The following UNC13C variants were observed in gnomAD, a reference collection of about 807,000 sequenced individuals.
UNC13C encodes the protein unc-13 homolog C.
A neutral mutation model predicts 245.4 loss-of-function variants in UNC13C; 174 were observed. The observed-to-expected ratio is 0.71, with a 90% CI of 0.63 to 0.80. The LOEUF is 0.80. UNC13C is among the 30% of genes least tolerant of loss of function. The pLI is 0.00. For missense variants in UNC13C, 2,829 were observed against 2,602.9 expected, an observed-to-expected ratio of 1.09 and a Z score of -1.89; for synonymous variants, 992 against 895.1, an observed-to-expected ratio of 1.11 and a Z score of -1.93.
chr15:54,082,954 G>A (rs1373761952), intron 2 of UNC13C, among the ~76,000 whole-genome samples: 2 of 152,068 alleles, frequency 1.3e-5, no homozygotes, highest in Admixed American at 1.3e-4. Context: ...GCTGTGCTCC[G>A]GGTGTGGAGG....
intron 2 of UNC13C, among the ~76,000 whole-genome samples, chr15:54,032,961 C>A (rs1434634706): frequency 6.6e-6 from 1 of 152,076 alleles, no homozygotes; most frequent in Non-Finnish European, 1.5e-5. Flanking sequence ...AAGAATGATA[C>A]AATTGACTTT....
chr15:53,985,988 TC>T (rs200137907), intron 1 of UNC13C, among the ~76,000 whole-genome samples: 1,537 of 152,150 alleles, frequency 0.01, 29 homozygotes, highest in African/African-American at 0.036. Flanking sequence ...CTACTGTGGG[TC>T]CTGCTTGATG....
rs1425181849 is a variant in UNC13C at position 54,494,685 on chromosome 15, T to C, written c.5011T>C (p.Tyr1671His). Reference sequence around the variant, plus strand: ...CAAAGTTAAATGGTTTTATAATGAATATGTGCGTGAACTTCCTGCCTTCAA... The same window carrying C: ...CAAAGTTAAATGGTTTTATAATGAACATGTGCGTGAACTTCCTGCCTTCAA... Reference protein sequence around the residue: ...HFKVKWFYNEYVRELPAFKDA... With the variant: ...HFKVKWFYNEHVRELPAFKDA... Residue 1671 changes from tyrosine to histidine, a missense_variant, in exon 20 of 33, where the codon TAT (tyrosine) becomes CAT (histidine). Tyr to His is a moderately conservative substitution (Grantham distance 83). Transcript: ENST00000260323. 3 of 1,611,602 alleles carry C rather than the reference T, an allele frequency of 1.9e-6. No individual in the cohort carries two copies. Among genetic ancestry groups the C allele is most frequent in the Non-Finnish European group, 2.5e-6 (3 of 1,178,768 alleles).
At chr15:54,055,629 A>G (rs1469233795) in intron 2 of UNC13C, among the ~76,000 whole-genome samples, 1 of 152,188 alleles carries the variant, frequency 6.6e-6, no homozygotes, top group Non-Finnish European at 1.5e-5. Flanking sequence ...AGTGTTAAGC[A>G]TTACTTCTCC....
chr15:54,457,228 C>G (rs1891580928), intron 19 of UNC13C, among the ~76,000 whole-genome samples: 1 of 152,002 alleles, frequency 6.6e-6, no homozygotes, highest in Non-Finnish European at 1.5e-5. Context: ...GGTATGAAAC[C>G]CTCTTAATTA....
At chr15:54,570,828 C>T (rs907144278) in intron 30 of UNC13C, among the ~76,000 whole-genome samples, 17 of 152,136 alleles carry the variant, frequency 1.1e-4, no homozygotes, top group Non-Finnish European at 2.4e-4. Context: ...TTATGACTTC[C>T]AAATTCTTCT....
chr15:54,530,222 T>A (rs1353409883), intron 25 of UNC13C, among the ~76,000 whole-genome samples: 4 of 152,214 alleles, frequency 2.6e-5, no homozygotes, highest in Non-Finnish European at 5.9e-5. Flanking sequence ...GATATACATA[T>A]CCATTATAAA....
chr15:54,269,538 A>C (rs766343782), intron 10 of UNC13C, among the ~76,000 whole-genome samples: 1 of 152,176 alleles, frequency 6.6e-6, no homozygotes, highest in Non-Finnish European at 1.5e-5. Flanking sequence ...CCTCCTTGAG[A>C]AATCAACTGA....
At chr15:54,154,266 C>A (rs1402043858) in intron 4 of UNC13C, among the ~76,000 whole-genome samples, 1 of 152,016 alleles carries the variant, frequency 6.6e-6, no homozygotes, top group East Asian at 1.9e-4. Flanking sequence ...TGCATTGAAT[C>A]TGTAGATTGC....
At chr15:53,985,822 T>G (rs1425146017) in intron 1 of UNC13C, among the ~76,000 whole-genome samples, 4 of 152,084 alleles carry the variant, frequency 2.6e-5, no homozygotes, top group Admixed American at 1.3e-4. Flanking sequence ...TTCGTCTGGT[T>G]TTTGTAGTAA....
intron 4 of UNC13C, among the ~76,000 whole-genome samples, chr15:54,176,120 A>G (rs1027334204): frequency 6.6e-6 from 1 of 152,112 alleles, no homozygotes; most frequent in Non-Finnish European, 1.5e-5. Context: ...TTTGTTTTAA[A>G]ACATCCTGAA....
the UNC13C span, among the ~76,000 whole-genome samples, chr15:53,930,768 G>A: frequency 6.6e-6 from 1 of 152,138 alleles, no homozygotes; most frequent in Admixed American, 6.5e-5. Flanking sequence ...TCTACTAAGT[G>A]TTAGGTTAAA....
chr15:54,042,487 G>C lies in UNC13C; in HGVS notation c.2983+26601G>C, dbSNP rs145171783. ...GGGAAGTGAAGAATCTTATATTCCA[G>C]TGGAGGACAACTGATAGATGGTAAC... On this transcript the variant is annotated intron_variant, in intron 2 of 32. Transcript: ENST00000260323. Among the ~76,000 whole-genome samples the C allele has an allele frequency of 5.9e-3, 891 of 152,300 alleles. 39 individuals carry two copies. In the South Asian group the frequency reaches 0.13, roughly 22 times the overall value.
At chr15:54,383,178 C>A (rs958334842) in intron 17 of UNC13C, among the ~76,000 whole-genome samples, 1 of 152,054 alleles carries the variant, frequency 6.6e-6, no homozygotes, top group African/African-American at 2.4e-5. Context: ...GAGAATTCTC[C>A]CTACTCATTC....
chr15:54,379,552 C>T (rs539430), intron 17 of UNC13C, among the ~76,000 whole-genome samples: 115,135 of 152,008 alleles, frequency 0.76, 44,001 homozygotes, highest in East Asian at 0.92. Context: ...ACTTTTCCTA[C>T]GAACATGAGA....
In UNC13C at chr15:54,525,604, T is replaced by A; in HGVS notation, c.5513T>A (p.Val1838Asp). Residue 1838 changes from valine to aspartate, a missense_variant, in exon 25 of 33, where the codon GTC becomes GAC. Coordinates refer to ENST00000260323, the MANE Select transcript of UNC13C (RefSeq NM_001080534.3). ...GAACTTCAGGTTAAGCTCAGTGGGG[T>A]CCTGGATGAGCTCAGCGTCACTTAT... The part of the protein sequence containing the change: ...LKELQVKLSG[V>D]LDELSVTYGE... 6.2e-7 allele frequency: 1 copy of A among 1,613,012 alleles called. No homozygotes were observed. The highest frequency in any genetic ancestry group is 1.1e-5 in the South Asian group (1 of 90,794).
intron 8 of UNC13C, among the ~76,000 whole-genome samples, chr15:54,257,804 G>C (rs2036317936): frequency 6.6e-6 from 1 of 152,188 alleles, no homozygotes; most frequent in Non-Finnish European, 1.5e-5. Context: ...AAGACTGGGG[G>C]AGTTGCAGGT....
the UNC13C span, among the ~76,000 whole-genome samples, chr15:53,918,741 T>C: frequency 6.6e-6 from 1 of 152,198 alleles, no homozygotes. Context: ...AAAGTGAGGA[T>C]TCTGAAGCCG....
intron 15 of UNC13C, among the ~76,000 whole-genome samples, chr15:54,332,882 G>A (rs1034384429): frequency 5.9e-5 from 9 of 151,650 alleles, no homozygotes; most frequent in Non-Finnish European, 1.0e-4. Context: ...TACTTTAATT[G>A]CATACTTATG....
Sources: gnomAD v4.1 joint callset for allele counts (sites outside exome capture counted in the v4.1 genomes callset) on GRCh38, gnomAD v4.1.1 for gene constraint, MANE v1.5 for transcripts, NCBI Gene and HGNC (gene_info 2026-07-23, HGNC 2026-07-21) for gene names.